Variants in SLC44A2 observed in about 807,000 individuals in gnomAD.
SLC44A2 encodes the protein choline transporter-like protein 2.
In SLC44A2, 57 loss-of-function variants were observed where a neutral mutation model predicts 90.8. The observed-to-expected ratio is 0.63, with a 90% CI of 0.51 to 0.78. The LOEUF is 0.78. SLC44A2 is among the 30% of genes least tolerant of loss of function. The pLI is 0.00. For synonymous variants in SLC44A2, 355 were observed against 360.7 expected (o/e 0.98, Z 0.18); for missense variants, 794 against 919.7 (o/e 0.86, Z 1.77).
rs767888022 is a variant in SLC44A2, at chr19:10,636,766, A to AC, written c.1591+13dup. 3.1e-6 allele frequency: 5 copies of AC among 1,611,444 alleles called. No homozygotes were observed. In the African/African-American group the frequency reaches 6.7e-5, roughly 22 times the overall value. ...GATCAGCGGCTGAAAGGTACGTCCC[A>AC]CCCACGGTTCGCATTAGCTCCTGTT... is the stretch of plus-strand genomic sequence containing the variant. On this transcript the variant is annotated intron_variant, in intron 16 of 21. Transcript: ENST00000335757.
At chr19:10,604,237 ACAG>A (rs1482069014) in intron 1 of SLC44A2, among the ~76,000 whole-genome samples, 1 of 152,190 alleles carries the variant, frequency 6.6e-6, no homozygotes, top group African/African-American at 2.4e-5. Flanking sequence ...TGTGGCAGAA[ACAG>A]CAGCGATTAT....
chr19:10,613,213 A>G (rs1199703616), intron 1 of SLC44A2, among the ~76,000 whole-genome samples: 2 of 150,712 alleles, frequency 1.3e-5, no homozygotes, highest in Admixed American at 1.3e-4. Flanking sequence ...ATGCACCACC[A>G]CACCCAGATA....
At position 10,627,796 on chromosome 19, in the gene SLC44A2, G is replaced by A; in HGVS notation, c.160+1G>A. Reference sequence around the variant, plus strand: ...GGCTACGTGGCTGTAGGCATCATAGGTGAGTAGAGAATGAGCAGGACTTGG... The same window carrying A: ...GGCTACGTGGCTGTAGGCATCATAGATGAGTAGAGAATGAGCAGGACTTGG... On this transcript the variant is annotated splice_donor_variant, in intron 3 of 21. Coordinates refer to ENST00000335757, the MANE Select transcript of SLC44A2 (RefSeq NM_020428.4). LOFTEE classifies it high-confidence loss of function. 6 of 1,614,096 alleles carry A rather than the reference G, an allele frequency of 3.7e-6. No individual in the cohort carries two copies. Among genetic ancestry groups the A allele is most frequent in the Non-Finnish European group, 4.2e-6 (5 of 1,180,018 alleles).
chr19:10,636,155 C>T (rs1462616627), intron 14 of SLC44A2, 168 bp from the exon 15 acceptor site: 1 of 788,978 alleles, frequency 1.3e-6, no homozygotes, highest in Admixed American at 2.9e-5. Context: ...TCTAGAATCC[C>T]TTCCTTTGCA....
intron 1 of SLC44A2, among the ~76,000 whole-genome samples, chr19:10,610,779 A>G (rs1195271424): frequency 6.7e-6 from 1 of 148,944 alleles, no homozygotes; most frequent in Non-Finnish European, 1.5e-5. Context: ...AGCTGGGATT[A>G]CAGGCATGTG....
intron 21 of SLC44A2, chr19:10,642,888 G>A (rs1200492775): frequency 3.2e-6 from 5 of 1,582,240 alleles, no homozygotes; most frequent in Non-Finnish European, 2.6e-6. Flanking sequence ...GTTCCCGGGG[G>A]GAGCCCAGGT....
intron 1 of SLC44A2, among the ~76,000 whole-genome samples, chr19:10,607,990 C>A (rs1020263045): frequency 5.4e-5 from 4 of 74,580 alleles, no homozygotes; most frequent in African/African-American, 1.2e-4. Flanking sequence ...CGTGATCCGC[C>A]CCCGCCTCGG....
chr19:10,626,298 A>C lies in SLC44A2; in HGVS notation c.83A>C (p.Asn28Thr). 1.2e-6 allele frequency: 2 copies of C among 1,611,716 alleles called. No individual in the cohort carries two copies. Among genetic ancestry groups the C allele is most frequent in the Non-Finnish European group, 1.7e-6 (2 of 1,177,794 alleles). ...YDPTFKGPIYNRGCTDIICCV... is the reference protein window; with the variant it reads ...YDPTFKGPIYTRGCTDIICCV... ...CCCACTTTCAAAGGACCCATTTACA[A>C]TAGGTAAGAGCTCTGGGTTTTGGGG... Residue 28 changes from asparagine (N) to threonine (T), a missense_variant, in exon 2 of 22, where the codon AAT (asparagine) becomes ACT (threonine). Around this residue, in one of 3 missense-constraint regions of SLC44A2, gnomAD observed 738 missense variants for 841.1 expected, o/e 0.88. Transcript: ENST00000335757.
chr19:10,640,373 G>A (rs1369401480), intron 20 of SLC44A2, among the ~76,000 whole-genome samples: 3 of 152,162 alleles, frequency 2.0e-5, no homozygotes, highest in African/African-American at 4.8e-5. Flanking sequence ...ATAAAGGCAT[G>A]AGCCCCTGTG....
At chr19:10,631,427 G>A (rs767170138) in intron 6 of SLC44A2, 42 bp downstream of exon 6, 2 of 1,613,932 alleles carry the variant, frequency 1.2e-6, no homozygotes, top group Non-Finnish European at 8.5e-7. Flanking sequence ...ATGGGCAGTG[G>A]CAGTGTACTA....
At chr19:10,614,800 G>T (rs1034632700) in intron 1 of SLC44A2, among the ~76,000 whole-genome samples, 1 of 150,408 alleles carries the variant, frequency 6.6e-6, no homozygotes, top group Non-Finnish European at 1.5e-5. Flanking sequence ...GTGAAACCAC[G>T]TCTCTATTAA....
At chr19:10,619,321 C>CT (rs2066880346) in intron 1 of SLC44A2, among the ~76,000 whole-genome samples, 2 of 150,580 alleles carry the variant, frequency 1.3e-5, no homozygotes, top group Non-Finnish European at 1.5e-5. Flanking sequence ...GTCTCAGCCA[C>CT]TTGGGAGGCT....
At position 10,641,662 on chromosome 19, in the gene SLC44A2, G is replaced by A. The variant is rs1238636232; in HGVS notation, c.1930-705G>A. On this transcript the variant is annotated intron_variant, in intron 20 of 21. Coordinates refer to ENST00000335757, the MANE Select transcript of SLC44A2 (RefSeq NM_020428.4). ...AAGCCCAGGATGGGTAATGGGTAAC[G>A]TGGCAAAAACCCATCTCTACAAAAA... Among the ~76,000 whole-genome samples the A allele has an allele frequency of 2.6e-5, 4 of 151,912 alleles. No individual in the cohort carries two copies. The South Asian group carries it at 8.3e-4, about 32-fold the overall frequency.
chr19:10,625,845 C>T (rs2066927708), intron 1 of SLC44A2, among the ~76,000 whole-genome samples, 175 bp downstream of exon 1: 1 of 152,080 alleles, frequency 6.6e-6, no homozygotes, highest in Admixed American at 6.6e-5. Flanking sequence ...CCCCCGCAGC[C>T]TCGCAGACGA....
At chr19:10,603,806 GTC>G (rs1209968033) in intron 1 of SLC44A2, among the ~76,000 whole-genome samples, 1 of 152,236 alleles carries the variant, frequency 6.6e-6, no homozygotes, top group Non-Finnish European at 1.5e-5. Flanking sequence ...TGACCTGAGA[GTC>G]TCAGCCTGAG....
chr19:10,631,982 G>A, intron 9 of SLC44A2, 31 bp downstream of exon 9: 1 of 1,613,354 alleles, frequency 6.2e-7, no homozygotes, highest in East Asian at 2.2e-5. Flanking sequence ...CCTCTCCCCT[G>A]GCTGCCCCCT....
chr19:10,638,131 C>T, intron 19 of SLC44A2, 38 bp downstream of exon 19: 2 of 1,613,348 alleles, frequency 1.2e-6, no homozygotes, highest in South Asian at 1.1e-5. Context: ...GGTGTGGGAG[C>T]CTGATTTCTG....
intron 20 of SLC44A2, chr19:10,641,168 A>T (rs925744159): frequency 1.1e-5 from 4 of 360,638 alleles, no homozygotes; most frequent in Non-Finnish European, 2.2e-5. Context: ...CGAGGCAGGC[A>T]GATCGCTTGA....
intron 10 of SLC44A2, among the ~76,000 whole-genome samples, chr19:10,632,549 A>G (rs568372284): frequency 5.3e-5 from 8 of 152,044 alleles, no homozygotes; most frequent in African/African-American, 9.6e-5. Context: ...AAAAAAAAAA[A>G]AAAGAAAAAA....
Sources: gnomAD v4.1 joint callset for allele counts (sites outside exome capture counted in the v4.1 genomes callset) on GRCh38, gnomAD v4.1.1 for gene constraint, gnomAD v4.1.1 regional missense constraint, MANE v1.5 for transcripts, NCBI Gene and HGNC (gene_info 2026-07-23, HGNC 2026-07-21) for gene names.